Variants in TMTC2 observed in about 807,000 individuals in gnomAD.
TMTC2 encodes the protein protein O-mannosyl-transferase TMTC2.
TMTC2 carries 43 observed loss-of-function variants against 82.4 expected under a neutral mutation model. The ratio of observed to expected loss-of-function variants is 0.52; its 90% CI spans 0.41 to 0.67. The LOEUF is 0.67. Among genes scored for constraint, TMTC2 ranks in the 30% least tolerant of loss-of-function variants. The probability of loss-of-function intolerance (pLI) is 0.00; values close to 1 mark genes in which losing one functional copy is unlikely to be tolerated. For synonymous variants in TMTC2, 408 were observed against 381.9 expected, an observed-to-expected ratio of 1.07 and a Z score of -0.80; for missense variants, 919 against 1,012.4, an observed-to-expected ratio of 0.91 and a Z score of 1.25.
At chr12:82,696,852 C>CT (rs1872813080) in intron 1 of TMTC2, among the ~76,000 whole-genome samples, 1 of 151,888 alleles carries the variant, frequency 6.6e-6, no homozygotes, top group African/African-American at 2.4e-5. Context: ...TTTTAAAAGT[C>CT]TTTTTAAGTG....
chr12:82,910,924 A>T (rs1592620769), intron 3 of TMTC2, among the ~76,000 whole-genome samples: 1 of 149,866 alleles, frequency 6.7e-6, no homozygotes, highest in Non-Finnish European at 1.5e-5. Context: ...TCTGTCGCCC[A>T]GGCTGGAGTG....
chr12:82,766,227 C>T (rs1159559593), intron 1 of TMTC2, among the ~76,000 whole-genome samples: 9 of 152,172 alleles, frequency 5.9e-5, no homozygotes, highest in Non-Finnish European at 4.4e-5. Context: ...CCCTCTCCTT[C>T]TCGCTTTGGG....
intron 1 of TMTC2, among the ~76,000 whole-genome samples, chr12:82,823,122 G>T (rs1869211054): frequency 1.3e-5 from 2 of 152,170 alleles, no homozygotes; most frequent in Admixed American, 1.3e-4. Context: ...TTGTTTCTGA[G>T]AAGTGATGCA....
At chr12:82,966,748 G>A (rs913505575) in intron 6 of TMTC2, among the ~76,000 whole-genome samples, 171 bp from the exon 7 acceptor site, 1 of 152,168 alleles carries the variant, frequency 6.6e-6, no homozygotes, top group South Asian at 2.1e-4. Context: ...TTTCATTGGT[G>A]GAATTGAGAT....
At chr12:82,873,213 T>TGTGTGTGTGTGTG (rs142938543) in intron 2 of TMTC2, among the ~76,000 whole-genome samples, 31 of 143,636 alleles carry the variant, frequency 2.2e-4, no homozygotes, top group African/African-American at 8.1e-4. Flanking sequence ...TTCAAAGATG[T>TGTGTGTGTGTGTG]TGTGTGTGTG....
intron 11 of TMTC2, among the ~76,000 whole-genome samples, chr12:83,107,032 G>C (rs1348861304): frequency 6.6e-6 from 1 of 152,192 alleles, no homozygotes; most frequent in Non-Finnish European, 1.5e-5. Context: ...TGTTTTGTGT[G>C]GTTAATGTTA....
intron 11 of TMTC2, among the ~76,000 whole-genome samples, chr12:83,106,637 T>TA (rs978206345): frequency 3.7e-4 from 57 of 152,024 alleles, no homozygotes; most frequent in Non-Finnish European, 1.8e-4. Context: ...GATGATAACC[T>TA]AAAACCAGCC....
rs563672430 is a variant in TMTC2 at position 82,858,395 on chromosome 12, T to A, written c.654+815T>A. Among the ~76,000 whole-genome samples the A allele has an allele frequency of 6.2e-4, 94 of 152,360 alleles. 1 individual carries two copies. The South Asian group carries it at 0.019, about 31-fold the overall frequency. The stretch of plus-strand genomic sequence containing the variant: ...ACTCAGAATAAACTCACCGTTGCTT[T>A]GACTTTGGCGTGAAGACGGAACTGG... On this transcript the variant is annotated intron_variant, in intron 2 of 11. Transcript: ENST00000321196.
intron 8 of TMTC2, among the ~76,000 whole-genome samples, chr12:83,007,687 A>G (rs1880266307): frequency 6.6e-6 from 1 of 152,200 alleles, no homozygotes; most frequent in Non-Finnish European, 1.5e-5. Context: ...GAAAAAGACA[A>G]ATATTTTATT....
intron 8 of TMTC2, among the ~76,000 whole-genome samples, chr12:82,987,295 G>A (rs535621145): frequency 1.3e-5 from 2 of 151,540 alleles, no homozygotes; most frequent in South Asian, 2.1e-4. Flanking sequence ...GTGGTAATGC[G>A]TCCCTGTTAT....
chr12:82,706,586 A>T (rs556971331), intron 1 of TMTC2, among the ~76,000 whole-genome samples: 2 of 152,202 alleles, frequency 1.3e-5, no homozygotes, highest in South Asian at 2.1e-4. Flanking sequence ...ATATAGGATT[A>T]TATAGGCTGT....
chr12:82,951,282 T>C (rs1387401768), intron 4 of TMTC2, among the ~76,000 whole-genome samples: 1 of 131,136 alleles, frequency 7.6e-6, no homozygotes. Context: ...TTCAATACCC[T>C]TCCCAGTGGA....
At chr12:82,713,047 CA>C (rs1482439480) in intron 1 of TMTC2, among the ~76,000 whole-genome samples, 1 of 152,156 alleles carries the variant, frequency 6.6e-6, no homozygotes, top group East Asian at 1.9e-4. Context: ...AGGCCAGGCG[CA>C]GTGGCTCACA....
chr12:82,995,143 A>G (rs1879559821), intron 8 of TMTC2, among the ~76,000 whole-genome samples: 1 of 152,262 alleles, frequency 6.6e-6, no homozygotes, highest in Admixed American at 6.5e-5. Context: ...TTTTCTAATA[A>G]TATATCAAGT....
At chr12:83,043,851 C>G (rs957021164) in intron 9 of TMTC2, among the ~76,000 whole-genome samples, 1 of 152,166 alleles carries the variant, frequency 6.6e-6, no homozygotes, top group Non-Finnish European at 1.5e-5. Context: ...CTTCTGTTCA[C>G]AGTCTGTTGA....
intron 3 of TMTC2, among the ~76,000 whole-genome samples, chr12:82,901,309 T>C (rs866116341): frequency 0.015 from 2,042 of 139,034 alleles, 141 homozygotes; most frequent in African/African-American, 0.053. Flanking sequence ...TATTTTTTTT[T>C]CTTTTTTTTT....
chr12:82,827,320 G>C (rs1869470555), intron 1 of TMTC2, among the ~76,000 whole-genome samples: 1 of 152,116 alleles, frequency 6.6e-6, no homozygotes, highest in African/African-American at 2.4e-5. Flanking sequence ...CATCAACCAA[G>C]CACCTACTCC....
chr12:83,016,337 G>A (rs1266701942), intron 8 of TMTC2, among the ~76,000 whole-genome samples: 1 of 152,050 alleles, frequency 6.6e-6, no homozygotes, highest in Non-Finnish European at 1.5e-5. Context: ...TTGATGCCTG[G>A]CCAATTTTTC....
chr12:82,723,810 A>G (rs1874316894), intron 1 of TMTC2, among the ~76,000 whole-genome samples: 1 of 152,148 alleles, frequency 6.6e-6, no homozygotes, highest in African/African-American at 2.4e-5. Context: ...AGCATCTAGG[A>G]CTTCTGAAAA....
Sources: gnomAD v4.1 joint callset for allele counts (sites outside exome capture counted in the v4.1 genomes callset) on GRCh38, gnomAD v4.1.1 for gene constraint, MANE v1.5 for transcripts, NCBI Gene and HGNC (gene_info 2026-07-23, HGNC 2026-07-21) for gene names.